Variants in BBX observed in about 807,000 individuals in gnomAD.
BBX encodes HMG box transcription factor BBX.
BBX carries 30 observed loss-of-function variants against 100.2 expected under a neutral mutation model. The ratio of observed to expected loss-of-function variants is 0.30; its 90% CI spans 0.22 to 0.41. The LOEUF is 0.41. BBX is among the 10% of genes least tolerant of loss of function. The pLI, the probability that BBX is intolerant of heterozygous loss-of-function variation, is 1.00. For synonymous variants in BBX, 376 were observed against 388.1 expected (o/e 0.97, Z 0.37); for missense variants, 1,023 against 1,129.8 (o/e 0.91, Z 1.35).
At chr3:107,724,689 C>G (rs1435455432) in intron 5 of BBX, among the ~76,000 whole-genome samples, 2 of 152,038 alleles carry the variant, frequency 1.3e-5, no homozygotes, top group East Asian at 1.9e-4. Context: ...TCTTGTTTTT[C>G]TCAGGTTTGT....
intron 2 of BBX, among the ~76,000 whole-genome samples, chr3:107,622,204 T>C (rs1014809835): frequency 6.6e-6 from 1 of 152,196 alleles, no homozygotes; most frequent in Non-Finnish European, 1.5e-5. Flanking sequence ...ATACAACCTT[T>C]TGAGATCGCC....
At position 107,572,231 on chromosome 3, in the gene BBX, T is replaced by G. The variant is rs1276221822; in HGVS notation, c.-84+45833T>G. On this transcript the variant is annotated intron_variant, in intron 2 of 17. Transcript: ENST00000325805. Reference sequence around the variant, plus strand: ...CGGACACTCATTGTCTCTTGAACTTTTCCCGTCTGCTATATTCACGTAATC... The same window carrying G: ...CGGACACTCATTGTCTCTTGAACTTGTCCCGTCTGCTATATTCACGTAATC... Among the ~76,000 whole-genome samples, 3 of 152,218 alleles carry G rather than the reference T, an allele frequency of 2.0e-5. No individual in the cohort carries two copies. In the East Asian group the frequency reaches 5.8e-4, roughly 29 times the overall value.
At chr3:107,537,970 A>C (rs953478609) in intron 2 of BBX, among the ~76,000 whole-genome samples, 1 of 152,230 alleles carries the variant, frequency 6.6e-6, no homozygotes, top group African/African-American at 2.4e-5. Flanking sequence ...TTAAAGCAGC[A>C]AAGAGAAACA....
chr3:107,718,893 G>A (rs951772503), intron 5 of BBX, among the ~76,000 whole-genome samples: 1 of 152,050 alleles, frequency 6.6e-6, no homozygotes, highest in African/African-American at 2.4e-5. Flanking sequence ...CATTTCTACT[G>A]CAAAGTGTAG....
At chr3:107,664,494 A>G (rs1355505339) in intron 3 of BBX, among the ~76,000 whole-genome samples, 2 of 152,254 alleles carry the variant, frequency 1.3e-5, no homozygotes, top group East Asian at 1.9e-4. Flanking sequence ...GCCTGTAAAC[A>G]TCATCTTAAC....
intron 2 of BBX, among the ~76,000 whole-genome samples, chr3:107,581,025 A>G (rs745374695): frequency 6.6e-6 from 1 of 152,244 alleles, no homozygotes; most frequent in Non-Finnish European, 1.5e-5. Context: ...AAGACCTAAA[A>G]TCTACCTAAT....
intron 2 of BBX, among the ~76,000 whole-genome samples, chr3:107,601,399 A>G (rs1357882190): frequency 1.3e-5 from 2 of 152,244 alleles, no homozygotes; most frequent in African/African-American, 2.4e-5. Flanking sequence ...GGCCTCTTAC[A>G]CTAGCAGCTA....
At chr3:107,537,346 A>G (rs2048569729) in intron 2 of BBX, among the ~76,000 whole-genome samples, 1 of 152,224 alleles carries the variant, frequency 6.6e-6, no homozygotes, top group South Asian at 2.1e-4. Flanking sequence ...CTTAATAGAT[A>G]GTAAGTTTGA....
chr3:107,727,657 A>G (rs986058890), intron 5 of BBX, among the ~76,000 whole-genome samples: 6 of 152,172 alleles, frequency 3.9e-5, no homozygotes, highest in African/African-American at 4.8e-5. Context: ...ATAATTATCT[A>G]TATTACAGTT....
chr3:107,542,500 T>C (rs1488575201), intron 2 of BBX, among the ~76,000 whole-genome samples: 2 of 152,220 alleles, frequency 1.3e-5, no homozygotes, highest in African/African-American at 2.4e-5. Context: ...ACTATGAACT[T>C]TCTTTAGTTT....
chr3:107,768,510 G>A (rs1255473961), intron 10 of BBX, among the ~76,000 whole-genome samples: 3 of 152,090 alleles, frequency 2.0e-5, no homozygotes, highest in Non-Finnish European at 4.4e-5. Flanking sequence ...CCAAAGATTT[G>A]GACAAAGACA....
At chr3:107,652,566 T>TA (rs1491325390) in intron 3 of BBX, among the ~76,000 whole-genome samples, 1 of 152,194 alleles carries the variant, frequency 6.6e-6, no homozygotes, top group Non-Finnish European at 1.5e-5. Context: ...CTTCTTAACA[T>TA]TAAGATCAAT....
rs150869541 is a variant in BBX at position 107,558,284 on chromosome 3, C to T, written c.-84+31886C>T. Among the ~76,000 whole-genome samples, 667 of 152,244 alleles carry T rather than the reference C, an allele frequency of 4.4e-3. 2 individuals carry two copies. The highest frequency in any genetic ancestry group is 7.7e-3 in the Non-Finnish European group (525 of 68,010). On this transcript the variant is annotated intron_variant, in intron 2 of 17. Coordinates refer to ENST00000325805, the MANE Select transcript of BBX (RefSeq NM_001142568.3). ...GGCGGATCACCTGAGGTCAGGAGTT[C>T]GAGACCAACCTGGCCAATGTGGAGA...
chr3:107,612,670 A>G (rs2054927059), intron 2 of BBX, among the ~76,000 whole-genome samples: 1 of 152,178 alleles, frequency 6.6e-6, no homozygotes, highest in African/African-American at 2.4e-5. Context: ...GGCCAACACC[A>G]CCGGAACTGT....
intron 13 of BBX, among the ~76,000 whole-genome samples, chr3:107,785,753 C>T (rs1401922275): frequency 6.6e-6 from 1 of 151,948 alleles, no homozygotes; most frequent in African/African-American, 2.4e-5. Flanking sequence ...GGATGCTTTC[C>T]CCCTAGGCAA....
chr3:107,766,656 C>T (rs1283228914), intron 10 of BBX, among the ~76,000 whole-genome samples: 3 of 152,114 alleles, frequency 2.0e-5, no homozygotes, highest in Non-Finnish European at 1.5e-5. Flanking sequence ...TATGATTCCT[C>T]AAGGATCTAG....
rs149838028 is a variant in BBX at position 107,552,545 on chromosome 3, G to A, written c.-84+26147G>A. Among the ~76,000 whole-genome samples, 345 of 152,130 alleles carry A rather than the reference G, an allele frequency of 2.3e-3. 2 individuals are homozygous for A. Among genetic ancestry groups the A allele is most frequent in the African/African-American group, 7.2e-3 (299 of 41,520 alleles). ...AAAATAGGTACCCCCACGAGCTTTC[G>A]CTATGGTAGGGAAAATAGACATTAG... On this transcript the variant is annotated intron_variant, in intron 2 of 17. Coordinates refer to ENST00000325805, the MANE Select transcript of BBX (RefSeq NM_001142568.3).
At chr3:107,780,112 T>A (rs921396300) in intron 13 of BBX, among the ~76,000 whole-genome samples, 2 of 152,104 alleles carry the variant, frequency 1.3e-5, no homozygotes, top group African/African-American at 4.8e-5. Flanking sequence ...GATTGCCAAA[T>A]GAAATGATAG....
At chr3:107,584,670 A>ATTTTTTTTTTTTTTTTTTTTT (rs1260656507) in intron 2 of BBX, among the ~76,000 whole-genome samples, 1 of 69,778 alleles carries the variant, frequency 1.4e-5, no homozygotes, top group Non-Finnish European at 3.0e-5. Context: ...TTCCGTTGAA[A>ATTTTTTTTTTTTTTTTTTTTT]TCTTTTTTTT....
Sources: allele counts gnomAD v4.1 joint callset (sites outside exome capture counted in the v4.1 genomes callset), GRCh38; gene constraint gnomAD v4.1.1; transcripts MANE v1.5; gene names NCBI Gene and HGNC (gene_info 2026-07-23, HGNC 2026-07-21).